TMC1: variants seen among roughly 807,000 people sequenced by gnomAD.
TMC1 encodes the protein transmembrane channel like 1.
Under a neutral mutation model 105.8 loss-of-function variants are expected in TMC1, and 84 were observed. That is an observed-to-expected ratio of 0.79 (90% confidence interval 0.67 to 0.95). TMC1 has a LOEUF of 0.95. Among genes scored for constraint, TMC1 ranks in the 40% least tolerant of loss-of-function variants. The pLI is 0.00. For synonymous variants in TMC1, 315 were observed against 311.5 expected (o/e 1.01, Z -0.12); for missense variants, 817 against 914.1 (o/e 0.89, Z 1.37).
intron 20 of TMC1, among the ~76,000 whole-genome samples, chr9:72,822,625 G>A (rs777142673): frequency 2.6e-4 from 40 of 151,846 alleles, no homozygotes; most frequent in Non-Finnish European, 5.0e-4. Flanking sequence ...TGAAATTACA[G>A]TCTTGATGAG....
chr9:72,658,503 T>G (rs1456031465), intron 5 of TMC1, among the ~76,000 whole-genome samples: 3 of 152,226 alleles, frequency 2.0e-5, no homozygotes, highest in African/African-American at 7.2e-5. Context: ...TTTAACTCTT[T>G]TCTTCCTTCC....
chr9:72,658,165 C>T (rs576431365), intron 5 of TMC1, among the ~76,000 whole-genome samples: 8 of 152,072 alleles, frequency 5.3e-5, no homozygotes, highest in African/African-American at 1.9e-4. Context: ...CCTTGAGAAG[C>T]TCATAATCTA....
At chr9:72,600,229 G>A (rs1824785161) in intron 2 of TMC1, among the ~76,000 whole-genome samples, 1 of 152,152 alleles carries the variant, frequency 6.6e-6, no homozygotes, top group African/African-American at 2.4e-5. Flanking sequence ...TGTTCTAAAT[G>A]GCAACTTTAC....
intron 5 of TMC1, among the ~76,000 whole-genome samples, chr9:72,665,422 G>A (rs186882953): frequency 2.0e-5 from 3 of 152,288 alleles, no homozygotes; most frequent in Non-Finnish European, 4.4e-5. Flanking sequence ...TTGGTTATAT[G>A]GACTCAAAGC....
At chr9:72,820,101 A>G (rs892691188) in intron 19 of TMC1, among the ~76,000 whole-genome samples, 1 of 152,186 alleles carries the variant, frequency 6.6e-6, no homozygotes. Context: ...AAGTAAACAG[A>G]TAAACTAAAT....
At chr9:72,681,178 CTTAT>C (rs1298335213) in intron 5 of TMC1, among the ~76,000 whole-genome samples, 1 of 152,142 alleles carries the variant, frequency 6.6e-6, no homozygotes, top group Non-Finnish European at 1.5e-5. Flanking sequence ...TTTTACCACA[CTTAT>C]TTACAGTGGT....
chr9:72,627,491 CCTT>C (rs1242229672), intron 3 of TMC1, among the ~76,000 whole-genome samples: 3 of 152,218 alleles, frequency 2.0e-5, no homozygotes, highest in African/African-American at 4.8e-5. Context: ...CTCTTTCCCA[CCTT>C]CTTTCAGGGC....
At chr9:72,542,734 C>T (rs1823699725) in intron 1 of TMC1, among the ~76,000 whole-genome samples, 1 of 151,370 alleles carries the variant, frequency 6.6e-6, no homozygotes, top group Admixed American at 6.6e-5. Context: ...GGCTGGAGTG[C>T]AATGGCATGA....
At chr9:72,788,655 T>G (rs913736736) in intron 14 of TMC1, among the ~76,000 whole-genome samples, 172 bp downstream of exon 14, 3 of 152,156 alleles carry the variant, frequency 2.0e-5, no homozygotes, top group Non-Finnish European at 2.9e-5. Context: ...AAATCTTCCA[T>G]GACCCACAAC....
At chr9:72,549,204 C>T (rs1200260159) in intron 1 of TMC1, among the ~76,000 whole-genome samples, 1 of 152,162 alleles carries the variant, frequency 6.6e-6, no homozygotes, top group Non-Finnish European at 1.5e-5. Flanking sequence ...CAAAGGTAAT[C>T]ATCAGACATT....
At chr9:72,722,938 C>T (rs1341377172) in intron 8 of TMC1, among the ~76,000 whole-genome samples, 1 of 152,132 alleles carries the variant, frequency 6.6e-6, no homozygotes, top group East Asian at 1.9e-4. Flanking sequence ...CAGCATAAGT[C>T]AGCTTCGGTA....
chr9:72,655,308 T>C (rs1296340759), intron 5 of TMC1, among the ~76,000 whole-genome samples: 6 of 152,202 alleles, frequency 3.9e-5, no homozygotes, highest in Admixed American at 2.6e-4. Flanking sequence ...CAGTCTCAGG[T>C]ATTTCTTCAT....
chr9:72,672,639 G>C lies in TMC1; in HGVS notation c.17-16070G>C, dbSNP rs185425045. Among the ~76,000 whole-genome samples the C allele has an allele frequency of 1.3e-4, 19 of 151,926 alleles. No individual in the cohort carries two copies. The East Asian group carries it at 3.5e-3, about 28-fold the overall frequency. ...AATTAATTAATTAGTCAGATTTCAG[G>C]ACCTTTTTCTGAATAATTGATAGAA... On this transcript the variant is annotated intron_variant, in intron 5 of 23. Coordinates refer to ENST00000297784, the MANE Select transcript of TMC1 (RefSeq NM_138691.3).
At chr9:72,576,638 T>TA (rs1334726382) in intron 1 of TMC1, among the ~76,000 whole-genome samples, 1 of 150,348 alleles carries the variant, frequency 6.7e-6, no homozygotes, top group Non-Finnish European at 1.5e-5. Context: ...TTTTTCTTTT[T>TA]TTTTTTTAGA....
intron 2 of TMC1, among the ~76,000 whole-genome samples, chr9:72,606,915 A>G (rs1307950128): frequency 6.6e-6 from 1 of 151,574 alleles, no homozygotes; most frequent in African/African-American, 2.4e-5. Context: ...TCTGCTTCAT[A>G]TGGCTGTTAT....
intron 4 of TMC1, among the ~76,000 whole-genome samples, chr9:72,646,569 A>G (rs996179493): frequency 6.6e-6 from 1 of 151,736 alleles, no homozygotes; most frequent in Non-Finnish European, 1.5e-5. Flanking sequence ...CTTTTATGAT[A>G]TTACTGTTCA....
chr9:72,676,962 CTG>C (rs1826212300), intron 5 of TMC1, among the ~76,000 whole-genome samples: 1 of 151,662 alleles, frequency 6.6e-6, no homozygotes, highest in Non-Finnish European at 1.5e-5. Flanking sequence ...ATCTCTCTCT[CTG>C]TCTTTCCCTT....
intron 17 of TMC1, 153 bp from the exon 18 acceptor site, chr9:72,805,229 T>G: frequency 4.9e-6 from 3 of 613,072 alleles, no homozygotes. Flanking sequence ...GAAATATTTT[T>G]TATTTACTTG....
intron 8 of TMC1, among the ~76,000 whole-genome samples, chr9:72,720,681 G>A (rs1827007161): frequency 6.6e-6 from 1 of 152,184 alleles, no homozygotes; most frequent in Non-Finnish European, 1.5e-5. Context: ...CTTGGACAGA[G>A]CAGATGCAAG....
Sources: allele counts gnomAD v4.1 joint callset (sites outside exome capture counted in the v4.1 genomes callset), GRCh38; gene constraint gnomAD v4.1.1; transcripts MANE v1.5; gene names NCBI Gene and HGNC (gene_info 2026-07-23, HGNC 2026-07-21).